The following ERBB4 variants were observed in gnomAD, a reference collection of about 807,000 sequenced individuals.
ERBB4 encodes the protein receptor tyrosine-protein kinase erbB-4.
In ERBB4, 42 loss-of-function variants were observed where a neutral mutation model predicts 158.0. That is an observed-to-expected ratio of 0.27 (90% CI 0.21 to 0.34). ERBB4 has a LOEUF of 0.34. Among genes scored for constraint, ERBB4 ranks in the 10% least tolerant of loss-of-function variants. The pLI, the probability that ERBB4 is intolerant of heterozygous loss-of-function variation, is 1.00. For synonymous variants in ERBB4, 583 were observed against 558.7 expected (o/e 1.04, Z -0.61); for missense variants, 1,333 against 1,624.1 (o/e 0.82, Z 3.08).
At chr2:212,524,765 G>A (rs1231671343) in intron 1 of ERBB4, among the ~76,000 whole-genome samples, 1 of 151,716 alleles carries the variant, frequency 6.6e-6, no homozygotes, top group Non-Finnish European at 1.5e-5. Context: ...TTCTCGAACC[G>A]GCTAATACTT....
At chr2:211,583,861 G>A (rs914292894) in intron 19 of ERBB4, among the ~76,000 whole-genome samples, 8 of 150,406 alleles carry the variant, frequency 5.3e-5, no homozygotes, top group South Asian at 4.2e-4. Context: ...AACGTTCCCC[G>A]GAAATAAGAA....
chr2:212,374,700 T>A (rs1247928892), intron 1 of ERBB4, among the ~76,000 whole-genome samples: 1 of 151,946 alleles, frequency 6.6e-6, no homozygotes, highest in Non-Finnish European at 1.5e-5. Context: ...ATGGCGTCAG[T>A]TCCATTCTTG....
chr2:211,994,104 C>A (rs2082140802), intron 2 of ERBB4, among the ~76,000 whole-genome samples: 1 of 152,094 alleles, frequency 6.6e-6, no homozygotes, highest in African/African-American at 2.4e-5. Flanking sequence ...CTATCTATAT[C>A]TATATGTCTA....
intron 2 of ERBB4, among the ~76,000 whole-genome samples, chr2:212,072,102 G>C (rs1436239272): frequency 6.6e-6 from 1 of 151,934 alleles, no homozygotes; most frequent in African/African-American, 2.4e-5. Context: ...TTTGTCCATA[G>C]TATTTTTCTA....
At chr2:212,328,029 T>A (rs1028961649) in intron 1 of ERBB4, among the ~76,000 whole-genome samples, 24 of 145,298 alleles carry the variant, frequency 1.7e-4, no homozygotes, top group South Asian at 2.2e-4. Flanking sequence ...AAAACAACTT[T>A]AAAAAAAAAA....
chr2:212,254,783 A>T (rs926334341), intron 1 of ERBB4, among the ~76,000 whole-genome samples: 4 of 152,140 alleles, frequency 2.6e-5, no homozygotes. Context: ...AGGATAAGGG[A>T]CATGTTGTAA....
chr2:212,394,287 C>A (rs1399433458), intron 1 of ERBB4, among the ~76,000 whole-genome samples: 1 of 152,002 alleles, frequency 6.6e-6, no homozygotes. Flanking sequence ...AAAAGAAATT[C>A]ATTTAATATT....
At chr2:211,795,667 A>G (rs901284634) in intron 3 of ERBB4, among the ~76,000 whole-genome samples, 3 of 151,842 alleles carry the variant, frequency 2.0e-5, no homozygotes, top group African/African-American at 7.2e-5. Context: ...AAAACCATGC[A>G]AAAGACGGAG....
intron 3 of ERBB4, among the ~76,000 whole-genome samples, chr2:211,889,869 G>T (rs2078916715): frequency 6.6e-6 from 1 of 150,482 alleles, no homozygotes; most frequent in Non-Finnish European, 1.5e-5. Context: ...AGAATAAAAA[G>T]AAATGAGCAA....
chr2:212,485,952 C>G (rs1426272383), intron 1 of ERBB4, among the ~76,000 whole-genome samples: 2 of 151,982 alleles, frequency 1.3e-5, no homozygotes, highest in Admixed American at 6.6e-5. Context: ...AATACCACTG[C>G]CTCAGTAATT....
intron 3 of ERBB4, among the ~76,000 whole-genome samples, chr2:211,919,876 G>A (rs1303432173): frequency 6.6e-6 from 1 of 151,838 alleles, no homozygotes; most frequent in Non-Finnish European, 1.5e-5. Flanking sequence ...TCCATTGATC[G>A]CAATCCCAGA....
Position 211,416,778 on chromosome 2 carries a change from AAC to A in ERBB4, c.3135+3661_3135+3662del, listed in dbSNP as rs1479929739. On this transcript the variant is annotated intron_variant, in intron 25 of 27. Transcript: ENST00000342788. Reference sequence around the variant, plus strand: ...ATCCTGCCTATAGCTTCCCCAGGCCAACAGTCTCTAATGAGGGCATAGATGAA... The same window carrying A: ...ATCCTGCCTATAGCTTCCCCAGGCCAAGTCTCTAATGAGGGCATAGATGAA... Among the ~76,000 whole-genome samples, 3 of 151,614 alleles carry A rather than the reference AAC, an allele frequency of 2.0e-5. No individual in the cohort carries two copies. The East Asian group carries it at 5.8e-4, about 29-fold the overall frequency.
chr2:211,752,491 G>GA (rs369728330), intron 4 of ERBB4, among the ~76,000 whole-genome samples: 39,749 of 119,206 alleles, frequency 0.33, 6,620 homozygotes, highest in Middle Eastern at 0.45. Flanking sequence ...TACCTAACTG[G>GA]AAAAAAAAAA....
At chr2:212,383,002 G>A (rs1341829734) in intron 1 of ERBB4, among the ~76,000 whole-genome samples, 4 of 149,914 alleles carry the variant, frequency 2.7e-5, no homozygotes, top group Non-Finnish European at 6.0e-5. Context: ...TTTTTATATT[G>A]CGATATGGTG....
chr2:212,104,164 T>C (rs2079159764), intron 2 of ERBB4, among the ~76,000 whole-genome samples: 1 of 152,066 alleles, frequency 6.6e-6, no homozygotes, highest in Non-Finnish European at 1.5e-5. Context: ...TCTATATGAT[T>C]AATATTGTAT....
intron 1 of ERBB4, among the ~76,000 whole-genome samples, chr2:212,536,409 G>A (rs1259953681): frequency 6.6e-6 from 1 of 152,196 alleles, no homozygotes; most frequent in Admixed American, 6.5e-5. Context: ...GGATGCACCC[G>A]AGAGCTTTTC....
chr2:212,383,182 T>C (rs1284302668), intron 1 of ERBB4, among the ~76,000 whole-genome samples: 1 of 151,432 alleles, frequency 6.6e-6, no homozygotes, highest in Non-Finnish European at 1.5e-5. Context: ...TATATTATTA[T>C]ATGCAATGTA....
chr2:212,187,421 T>TAAATA (rs61071336), intron 1 of ERBB4, among the ~76,000 whole-genome samples: 45,702 of 146,582 alleles, frequency 0.31, 8,560 homozygotes, highest in East Asian at 0.68. Context: ...TAAAGTATAA[T>TAAATA]AATAAATAAA....
intron 3 of ERBB4, among the ~76,000 whole-genome samples, chr2:211,944,223 CACAA>C (rs200995812): frequency 0.16 from 3,512 of 21,536 alleles, 518 homozygotes; most frequent in African/African-American, 0.27. Context: ...TACACACACA[CACAA>C]AAAAAAAGAA....
Sources: gnomAD v4.1 joint callset for allele counts (sites outside exome capture counted in the v4.1 genomes callset) on GRCh38, gnomAD v4.1.1 for gene constraint, MANE v1.5 for transcripts, NCBI Gene and HGNC (gene_info 2026-07-23, HGNC 2026-07-21) for gene names.